RBFOX1: variants seen among roughly 807,000 people sequenced by gnomAD.
RBFOX1 encodes the protein RNA binding protein fox-1 homolog 1.
Under a neutral mutation model 57.7 loss-of-function variants are expected in RBFOX1, and 8 were observed. The observed-to-expected ratio is 0.14, with a 90% CI of 0.08 to 0.25. The LOEUF is 0.25. RBFOX1 is among the 10% of genes least tolerant of loss of function. RBFOX1 has a pLI of 1.00. For synonymous variants in RBFOX1, 326 were observed against 222.4 expected, an observed-to-expected ratio of 1.47 and a Z score of -4.15; for missense variants, 611 against 548.5, an observed-to-expected ratio of 1.11 and a Z score of -1.14.
At chr16:7,214,058 G>A (rs1273299870) in intron 4 of RBFOX1, among the ~76,000 whole-genome samples, 2 of 149,710 alleles carry the variant, frequency 1.3e-5, no homozygotes, top group African/African-American at 5.0e-5. Flanking sequence ...CTTTCTGGAA[G>A]CTTCTGAGCT....
intron 5 of RBFOX1, 27 bp downstream of exon 5, chr16:7,518,416 G>T (rs1442958309): frequency 1.3e-6 from 2 of 1,589,790 alleles, no homozygotes; most frequent in South Asian, 2.3e-5. Flanking sequence ...GCTACGGGTG[G>T]GAGGTTATGG....
At chr16:6,031,943 G>C (rs1048476796) in intron 1 of RBFOX1, among the ~76,000 whole-genome samples, 1 of 152,136 alleles carries the variant, frequency 6.6e-6, no homozygotes, top group African/African-American at 2.4e-5. Flanking sequence ...GAAAGGGGAG[G>C]TCATTTGTTC....
At chr16:6,795,508 C>T (rs1682294808) in intron 3 of RBFOX1, among the ~76,000 whole-genome samples, 1 of 152,130 alleles carries the variant, frequency 6.6e-6, no homozygotes, top group African/African-American at 2.4e-5. Context: ...TGGCTCACGT[C>T]TGTAATCCCA....
intron 4 of RBFOX1, among the ~76,000 whole-genome samples, chr16:6,007,893 C>T (rs183505902): frequency 1.3e-4 from 20 of 152,140 alleles, no homozygotes; most frequent in East Asian, 9.7e-4. Flanking sequence ...TCGTGGAGAA[C>T]GCAGTGGAGA....
intron 4 of RBFOX1, among the ~76,000 whole-genome samples, chr16:5,877,878 T>C (rs2057655041): frequency 6.6e-6 from 1 of 152,184 alleles, no homozygotes; most frequent in Non-Finnish European, 1.5e-5. Context: ...TAAACTGGTA[T>C]GGCACTCTGG....
intron 3 of RBFOX1, among the ~76,000 whole-genome samples, chr16:6,808,028 T>C (rs1391048268): frequency 1.3e-5 from 2 of 150,680 alleles, no homozygotes; most frequent in Non-Finnish European, 3.0e-5. Flanking sequence ...AAATTATACC[T>C]TGTGTATATG....
chr16:6,665,768 A>T (rs996184933), intron 3 of RBFOX1, among the ~76,000 whole-genome samples: 1 of 151,446 alleles, frequency 6.6e-6, no homozygotes, highest in Non-Finnish European at 1.5e-5. Context: ...ACCATTTTTT[A>T]GTACTTTATG....
rs181614057 is a variant in RBFOX1 at position 6,780,201 on chromosome 16, T to A, written c.-16+125551T>A. ...TATTTATATATATATTTATATATTT[T>A]TATATATTTATATATATTTATATAT... On this transcript the variant is annotated intron_variant, in intron 3 of 15. Transcript: ENST00000550418. Among the ~76,000 whole-genome samples, 44 of 16,450 alleles carry A rather than the reference T, an allele frequency of 2.7e-3. 8 individuals are homozygous for A. The highest frequency in any genetic ancestry group is 0.025 in the African/African-American group (38 of 1,514). 10.8% of individuals were successfully genotyped at this position (16,450 alleles called of 152,430 possible).
At chr16:7,249,438 C>A (rs547748927) in intron 4 of RBFOX1, among the ~76,000 whole-genome samples, 1 of 152,138 alleles carries the variant, frequency 6.6e-6, no homozygotes, top group South Asian at 2.1e-4. Flanking sequence ...AGCTTTATAC[C>A]AATTTTACTT....
chr16:5,886,018 G>A (rs1259527945), intron 4 of RBFOX1, among the ~76,000 whole-genome samples: 3 of 152,102 alleles, frequency 2.0e-5, no homozygotes, highest in Non-Finnish European at 2.9e-5. Context: ...TTGTTTAAAC[G>A]TGGGTAACAC....
intron 2 of RBFOX1, among the ~76,000 whole-genome samples, chr16:6,558,903 G>T (rs146942686): frequency 5.8e-4 from 88 of 151,972 alleles, no homozygotes; most frequent in Non-Finnish European, 1.1e-3. Flanking sequence ...CCTCTGTCTG[G>T]AATGTGCCCC....
intron 4 of RBFOX1, among the ~76,000 whole-genome samples, chr16:7,504,759 A>AG (rs2072501921): frequency 1.2e-4 from 1 of 8,680 alleles, no homozygotes; most frequent in African/African-American, 2.0e-4. Flanking sequence ...ATATATTTAT[A>AG]TATATATATA....
chr16:6,256,502 A>T (rs567702058), intron 1 of RBFOX1, among the ~76,000 whole-genome samples: 27 of 151,536 alleles, frequency 1.8e-4, no homozygotes, highest in Non-Finnish European at 3.7e-4. Context: ...ACCAGATTGT[A>T]TGGATTTGGA....
At chr16:7,287,544 A>T (rs2141395013) in intron 4 of RBFOX1, among the ~76,000 whole-genome samples, 1 of 152,302 alleles carries the variant, frequency 6.6e-6, no homozygotes, top group South Asian at 2.1e-4. Context: ...AATAGGCAAG[A>T]AGTGTTTTCA....
At chr16:7,182,036 A>T (rs146096825) in intron 4 of RBFOX1, among the ~76,000 whole-genome samples, 3 of 152,360 alleles carry the variant, frequency 2.0e-5, no homozygotes, top group African/African-American at 7.2e-5. Flanking sequence ...GACACAAATC[A>T]CTGAAAGATA....
At chr16:7,398,322 C>G (rs995671159) in intron 4 of RBFOX1, among the ~76,000 whole-genome samples, 5 of 152,204 alleles carry the variant, frequency 3.3e-5, no homozygotes, top group African/African-American at 2.4e-5. Context: ...CTGGACCTCA[C>G]TTTCTTCATC....
intron 4 of RBFOX1, among the ~76,000 whole-genome samples, chr16:5,974,484 C>T (rs1166801459): frequency 6.6e-6 from 1 of 151,878 alleles, no homozygotes; most frequent in Admixed American, 6.6e-5. Context: ...GTGGTGTGCA[C>T]CTGTAATCCC....
intron 3 of RBFOX1, among the ~76,000 whole-genome samples, chr16:6,967,720 G>A (rs910694616): frequency 6.6e-6 from 1 of 152,030 alleles, no homozygotes; most frequent in African/African-American, 2.4e-5. Context: ...GGTCAAATGG[G>A]TCTTCTTTAA....
At chr16:7,301,786 G>T (rs1211569447) in intron 4 of RBFOX1, among the ~76,000 whole-genome samples, 2 of 152,140 alleles carry the variant, frequency 1.3e-5, no homozygotes, top group African/African-American at 4.8e-5. Context: ...CGTCCGTACA[G>T]CAGATTGCTT....
Sources: allele counts gnomAD v4.1 joint callset (sites outside exome capture counted in the v4.1 genomes callset), GRCh38; gene constraint gnomAD v4.1.1; transcripts MANE v1.5; gene names NCBI Gene and HGNC (gene_info 2026-07-23, HGNC 2026-07-21).